The following MAP3K7CL variants were observed in gnomAD, a reference collection of about 807,000 sequenced individuals.
MAP3K7CL encodes the protein MAP3K7 C-terminal-like protein.
In MAP3K7CL, 16 loss-of-function variants were observed where a neutral mutation model predicts 18.6. The ratio of observed to expected loss-of-function variants is 0.86; its 90% CI spans 0.58 to 1.31. MAP3K7CL has a LOEUF of 1.31. Ranked by LOEUF, MAP3K7CL falls within the 50% of genes most tolerant of loss-of-function variation. The pLI, the probability that MAP3K7CL is intolerant of heterozygous loss-of-function variation, is 0.00. For missense variants in MAP3K7CL, 163 were observed against 174.4 expected (o/e 0.93, Z 0.37); for synonymous variants, 65 against 66.8 (o/e 0.97, Z 0.13).
At chr21:29,124,045 G>C (rs1199983751) in intron 4 of MAP3K7CL, among the ~76,000 whole-genome samples, 3 of 151,976 alleles carry the variant, frequency 2.0e-5, no homozygotes, top group Admixed American at 6.6e-5. Flanking sequence ...AGAGTCTGCT[G>C]TCTAGGTGTT....
intron 2 of MAP3K7CL, among the ~76,000 whole-genome samples, chr21:29,137,146 T>C (rs187131258): frequency 1.3e-5 from 2 of 152,200 alleles, no homozygotes; most frequent in East Asian, 3.9e-4. Flanking sequence ...GATTGTGGAG[T>C]ATAAGGGAAA....
upstream of MAP3K7CL, among the ~76,000 whole-genome samples, chr21:29,129,107 T>C (rs1042626310): frequency 1.3e-5 from 2 of 152,218 alleles, no homozygotes; most frequent in African/African-American, 2.4e-5. Flanking sequence ...TGTATGGAAT[T>C]CCCATATATT....
intron 4 of MAP3K7CL, among the ~76,000 whole-genome samples, chr21:29,110,447 A>T (rs145338106): frequency 6.6e-6 from 1 of 151,842 alleles, no homozygotes; most frequent in African/African-American, 2.4e-5. Flanking sequence ...CCCAGGCTGC[A>T]GTACAGTGGC....
chr21:29,083,193 C>G (rs1464502166), upstream of MAP3K7CL, among the ~76,000 whole-genome samples: 4 of 152,204 alleles, frequency 2.6e-5, no homozygotes, highest in Admixed American at 6.5e-5. Context: ...AATCTGCCCC[C>G]TGGACTCCAA....
At chr21:29,168,915 C>T (rs2087756422) in intron 4 of MAP3K7CL, among the ~76,000 whole-genome samples, 1 of 152,164 alleles carries the variant, frequency 6.6e-6, no homozygotes, top group African/African-American at 2.4e-5. Context: ...GTGAAGAAAC[C>T]TTTTGCTGTT....
intron 4 of MAP3K7CL, among the ~76,000 whole-genome samples, chr21:29,101,525 C>T (rs1235185399): frequency 2.6e-5 from 4 of 152,204 alleles, no homozygotes; most frequent in Non-Finnish European, 5.9e-5. Context: ...TCTCCTGCCT[C>T]GGCCTCCTGA....
chr21:29,148,400 G>A (rs1035121097), intron 2 of MAP3K7CL, among the ~76,000 whole-genome samples: 3 of 152,072 alleles, frequency 2.0e-5, no homozygotes, highest in Admixed American at 6.6e-5. Flanking sequence ...ACCAAGGCTC[G>A]GTCAGCACTA....
chr21:29,108,013 AAT>A (rs1160911778), intron 4 of MAP3K7CL, among the ~76,000 whole-genome samples: 1 of 152,196 alleles, frequency 6.6e-6, no homozygotes, highest in Admixed American at 6.5e-5. Flanking sequence ...TATTTTGATA[AAT>A]GGGATTAGTT....
At chr21:29,170,233 G>A (rs181367058) in intron 4 of MAP3K7CL, among the ~76,000 whole-genome samples, 1 of 152,174 alleles carries the variant, frequency 6.6e-6, no homozygotes, top group African/African-American at 2.4e-5. Flanking sequence ...TTGGATGTCT[G>A]TATAATTACT....
intron 4 of MAP3K7CL, among the ~76,000 whole-genome samples, chr21:29,168,826 C>T (rs1380964397): frequency 6.6e-6 from 1 of 152,196 alleles, no homozygotes; most frequent in Non-Finnish European, 1.5e-5. Context: ...AGCATATTTA[C>T]TCTTCTCAGT....
intron 2 of MAP3K7CL, among the ~76,000 whole-genome samples, chr21:29,141,624 G>T (rs147731491): frequency 6.6e-6 from 1 of 152,022 alleles, no homozygotes; most frequent in African/African-American, 2.4e-5. Flanking sequence ...ACAATTTTAG[G>T]TACTGGTTAA....
At chr21:29,120,573 C>T (rs1036590659) in intron 4 of MAP3K7CL, among the ~76,000 whole-genome samples, 42 of 152,306 alleles carry the variant, frequency 2.8e-4, no homozygotes, top group Admixed American at 1.2e-3. Context: ...TAATTCATTT[C>T]TCATCACCTT....
chr21:29,146,976 T>C (rs2087141632), intron 2 of MAP3K7CL, among the ~76,000 whole-genome samples: 1 of 152,210 alleles, frequency 6.6e-6, no homozygotes, highest in Non-Finnish European at 1.5e-5. Context: ...TGGGAGAGGA[T>C]ACTTGTTTCC....
chr21:29,153,543 A>G (rs1028314626), intron 3 of MAP3K7CL, among the ~76,000 whole-genome samples: 3 of 152,052 alleles, frequency 2.0e-5, no homozygotes, highest in African/African-American at 4.8e-5. Flanking sequence ...GACCTCCCCA[A>G]GCTCAGGTGA....
intron 4 of MAP3K7CL, among the ~76,000 whole-genome samples, chr21:29,170,247 C>T (rs2087791499): frequency 6.6e-6 from 1 of 152,178 alleles, no homozygotes; most frequent in Non-Finnish European, 1.5e-5. Context: ...AATTACTTAT[C>T]AAATACATGA....
chr21:29,098,020 T>C (rs2086153543), intron 4 of MAP3K7CL, among the ~76,000 whole-genome samples: 1 of 152,162 alleles, frequency 6.6e-6, no homozygotes, highest in African/African-American at 2.4e-5. Flanking sequence ...AACTTTGAAT[T>C]AATTATAATT....
At chr21:29,173,888 G>C (rs2123262043) in intron 4 of MAP3K7CL, among the ~76,000 whole-genome samples, 1 of 152,204 alleles carries the variant, frequency 6.6e-6, no homozygotes, top group African/African-American at 2.4e-5. Flanking sequence ...TTTTTGTAGA[G>C]ATGTTGTCTC....
At chr21:29,147,879 ATGTATG>A (rs1031118046) in intron 2 of MAP3K7CL, among the ~76,000 whole-genome samples, 2 of 150,814 alleles carry the variant, frequency 1.3e-5, no homozygotes, top group Admixed American at 6.6e-5. Context: ...TCTCTATTAT[ATGTATG>A]TGTATGTGTA....
intron 3 of MAP3K7CL, among the ~76,000 whole-genome samples, chr21:29,150,602 G>T (rs1295584734): frequency 2.6e-5 from 4 of 152,070 alleles, no homozygotes; most frequent in African/African-American, 9.7e-5. Flanking sequence ...TTCCTCTCTA[G>T]CTATCAGCCA....
Sources: allele counts gnomAD v4.1 joint callset (sites outside exome capture counted in the v4.1 genomes callset), GRCh38; gene constraint gnomAD v4.1.1; transcripts MANE v1.5; gene names NCBI Gene and HGNC (gene_info 2026-07-23, HGNC 2026-07-21).